The following DNAH17 variants were observed in gnomAD, a reference collection of about 807,000 sequenced individuals.
The protein encoded by DNAH17 is axonemal beta dynein heavy chain 17.
DNAH17 carries 376 observed loss-of-function variants against 485.6 expected under a neutral mutation model. The observed-to-expected ratio is 0.77, with a 90% confidence interval of 0.71 to 0.84. DNAH17 has a LOEUF of 0.84. Among genes scored for constraint, DNAH17 ranks in the 40% least tolerant of loss-of-function variants. The pLI, the probability that DNAH17 is intolerant of heterozygous loss-of-function variation, is 0.00. For missense variants in DNAH17, 6,370 were observed against 5,839.3 expected, an observed-to-expected ratio of 1.09 and a Z score of -2.96; for synonymous variants, 3,031 against 2,405.9, an observed-to-expected ratio of 1.26 and a Z score of -7.60.
In DNAH17 at chr17:78,479,063, A is replaced by T. The variant is rs769504377; in HGVS notation, c.7954T>A (p.Tyr2652Asn). ...GAGAGGTCCCTGAGGTTGAAGACATAATGAAACTTAATGGCCGTGGGAAGA... is the reference window on the plus strand; with the variant it reads ...GAGAGGTCCCTGAGGTTGAAGACATTATGAAACTTAATGGCCGTGGGAAGA... ...TFLPTAIKFH[Y>N]VFNLRDLSNI... is the part of the protein sequence containing the mutation. Residue 2652 changes from tyrosine (Y) to asparagine (N), a missense_variant, in exon 51 of 81, where the codon TAT (tyrosine) becomes AAT (asparagine). Transcript: ENST00000389840. The T allele has an allele frequency of 1.2e-6, 2 of 1,613,926 alleles. No homozygotes were observed. The highest frequency in any genetic ancestry group is 2.7e-5 in the African/African-American group (2 of 74,942).
At chr17:78,513,890 G>A (rs2090705077) in intron 26 of DNAH17, among the ~76,000 whole-genome samples, 1 of 152,186 alleles carries the variant, frequency 6.6e-6, no homozygotes, top group Non-Finnish European at 1.5e-5. Context: ...CATGTCTCCT[G>A]TCTCTCTGTA....
intron 78 of DNAH17, 25 bp downstream of exon 78, chr17:78,426,901 T>A (rs1171096138): frequency 6.3e-7 from 1 of 1,581,708 alleles, no homozygotes; most frequent in East Asian, 2.3e-5. Flanking sequence ...GCCACGTCCC[T>A]GGGGCCGGGC....
chr17:78,560,054 C>T (rs1003095879), intron 13 of DNAH17, among the ~76,000 whole-genome samples: 3 of 152,236 alleles, frequency 2.0e-5, no homozygotes, highest in Admixed American at 2.0e-4. Flanking sequence ...CCTGTTGCAC[C>T]TTCTACCATA....
intron 25 of DNAH17, among the ~76,000 whole-genome samples, chr17:78,516,419 G>A (rs2090780292): frequency 6.6e-6 from 1 of 152,218 alleles, no homozygotes; most frequent in Non-Finnish European, 1.5e-5. Flanking sequence ...GGGTGCGGCG[G>A]CTCACGCCTG....
At chr17:78,564,397 G>T (rs561456500) in intron 11 of DNAH17, among the ~76,000 whole-genome samples, 1 of 152,286 alleles carries the variant, frequency 6.6e-6, no homozygotes, top group East Asian at 1.9e-4. Context: ...CGGAACAGCA[G>T]CAGGGAGTCA....
At chr17:78,509,840 T>C (rs2090584493) in intron 27 of DNAH17, among the ~76,000 whole-genome samples, 1 of 152,196 alleles carries the variant, frequency 6.6e-6, no homozygotes. Flanking sequence ...AACTATTGCA[T>C]GTACGGGGCG....
At chr17:78,426,304 T>G (rs1460208288) in intron 79 of DNAH17, among the ~76,000 whole-genome samples, 153 bp downstream of exon 79, 2 of 152,194 alleles carry the variant, frequency 1.3e-5, no homozygotes, top group Non-Finnish European at 2.9e-5. Context: ...GGGAGGGGCA[T>G]GGGCTAGGCC....
rs1304199391 is a variant in DNAH17 at position 78,434,201 on chromosome 17, G to C, written c.12053C>G (p.Thr4018Ser). The change falls in exon 75 of 81, where the codon ACC (threonine) becomes AGC (serine). Residue 4018 changes from threonine to serine, a missense_variant. Transcript: ENST00000389840. The part of the protein sequence containing the change: ...LFTQDTLEMC[T>S]KEMEFKCMLF... ...CATGCACTTGAACTCCATCTCCTTGGTGCACATCTCCAGGGTGTCCTGTGG... is the reference window on the plus strand; with the variant it reads ...CATGCACTTGAACTCCATCTCCTTGCTGCACATCTCCAGGGTGTCCTGTGG... The C allele has an allele frequency of 7.4e-6, 12 of 1,611,434 alleles. No homozygotes were observed. The highest frequency in any genetic ancestry group is 1.0e-5 in the Non-Finnish European group (12 of 1,178,192).
intron 30 of DNAH17, 132 bp downstream of exon 30, chr17:78,506,588 G>C (rs905664910): frequency 7.4e-7 from 1 of 1,354,558 alleles, no homozygotes; most frequent in Non-Finnish European, 1.0e-6. Flanking sequence ...TTCTGGTGCA[G>C]AGGGCCTCCT....
chr17:78,531,638 G>A (rs766593826), intron 20 of DNAH17, among the ~76,000 whole-genome samples: 2 of 152,074 alleles, frequency 1.3e-5, no homozygotes, highest in African/African-American at 2.4e-5. Context: ...ACGCCCGGCC[G>A]ACATAAAGTC....
intron 49 of DNAH17, among the ~76,000 whole-genome samples, chr17:78,479,961 G>A (rs2089274785): frequency 1.5e-5 from 2 of 134,942 alleles, no homozygotes; most frequent in African/African-American, 2.7e-5. Context: ...AAGGGCTACA[G>A]ATAAAATACA....
At chr17:78,534,132 C>T (rs1208266170) in intron 19 of DNAH17, among the ~76,000 whole-genome samples, 1 of 152,254 alleles carries the variant, frequency 6.6e-6, no homozygotes, top group African/African-American at 2.4e-5. Context: ...CAACCACTCC[C>T]CTTTACCCAA....
At chr17:78,524,178 C>A (rs2091003850) in intron 25 of DNAH17, among the ~76,000 whole-genome samples, 1 of 152,154 alleles carries the variant, frequency 6.6e-6, no homozygotes, top group Admixed American at 6.5e-5. Flanking sequence ...CACTCTATCG[C>A]CCAGGCTGGA....
In DNAH17 at chr17:78,507,646, C is replaced by T; in HGVS notation, c.4396G>A (p.Ala1466Thr). The T allele has an allele frequency of 6.2e-7, 1 of 1,613,976 alleles. No individual in the cohort carries two copies. The highest frequency in any genetic ancestry group is 8.5e-7 in the Non-Finnish European group (1 of 1,180,014). Residue 1466 changes from alanine to threonine, a missense_variant, in exon 28 of 81, where the codon GCC becomes ACC. By Grantham distance (58) the Ala-to-Thr change is moderately conservative (BLOSUM62 0). Transcript: ENST00000389840. ...LQNLMMSKYL[A>T]HFLKEVTSWQ... ...CTTGTCACCTCCTTCAGGAAGTGGGCCAGGTACTTGGACATCATCAGGTTC... is the reference window on the plus strand; with the variant it reads ...CTTGTCACCTCCTTCAGGAAGTGGGTCAGGTACTTGGACATCATCAGGTTC...
intron 76 of DNAH17, 138 bp from the exon 77 acceptor site, chr17:78,428,845 T>A: frequency 2.7e-6 from 3 of 1,098,502 alleles, no homozygotes; most frequent in Non-Finnish European, 4.0e-6. Context: ...CCCAGCCCCC[T>A]TTGTGGGCTG....
chr17:78,570,492 G>A, intron 6 of DNAH17, 120 bp from the exon 7 acceptor site: 1 of 1,323,152 alleles, frequency 7.6e-7, no homozygotes, highest in Non-Finnish European at 1.0e-6. Flanking sequence ...TCCCAAAGAG[G>A]AGGGGAGAGG....
chr17:78,495,729 T>C lies in DNAH17; in HGVS notation c.5903+146A>G, dbSNP rs115471706. On this transcript the variant is annotated intron_variant, in intron 38 of 80. Transcript: ENST00000389840. Reference sequence around the variant, plus strand: ...CTGACATTACAGAAGTGAGTTACTGTGCCCGGCCATCTTGGGAGCTTTTGA... The same window carrying C: ...CTGACATTACAGAAGTGAGTTACTGCGCCCGGCCATCTTGGGAGCTTTTGA... 1,742 of 969,894 alleles carry C rather than the reference T, an allele frequency of 1.8e-3. 18 individuals are homozygous for C. The African/African-American group carries it at 0.025, about 14-fold the overall frequency. The allele number at this position is 969,894 out of a possible 1,614,324, so 60.1% of individuals were successfully genotyped here.
intron 33 of DNAH17, 122 bp from the exon 34 acceptor site, chr17:78,501,995 A>G (rs2090312820): frequency 7.0e-7 from 1 of 1,427,438 alleles, no homozygotes; most frequent in African/African-American, 1.4e-5. Context: ...AGTAATGAAA[A>G]ACAAGAGCGC....
rs761415811 is a variant in DNAH17 at position 78,486,368 on chromosome 17, G to A, written c.6957C>T (p.Ile2319=). ...GFKKITPVPE[I]TVIQTILYLL... is the part of the protein sequence containing the mutation. Reference sequence around the variant, plus strand: ...GGTACAGAATCGTTTGGATCACCGTGATCTCCGGCACTGGCGTGATCTTCT... The same window carrying A: ...GGTACAGAATCGTTTGGATCACCGTAATCTCCGGCACTGGCGTGATCTTCT... Residue 2319 remains isoleucine, a synonymous_variant, in exon 45 of 81, where the codon ATC becomes ATT. Coordinates refer to ENST00000389840, the MANE Select transcript of DNAH17 (RefSeq NM_173628.4). 3 of 1,613,896 alleles carry A rather than the reference G, an allele frequency of 1.9e-6. No individual in the cohort carries two copies. Among genetic ancestry groups the A allele is most frequent in the South Asian group, 1.1e-5 (1 of 91,082 alleles).
Sources: allele counts gnomAD v4.1 joint callset (sites outside exome capture counted in the v4.1 genomes callset), GRCh38; gene constraint gnomAD v4.1.1; transcripts MANE v1.5; gene names NCBI Gene and HGNC (gene_info 2026-07-23, HGNC 2026-07-21).